The following TANC2 variants were observed in gnomAD, a reference collection of about 807,000 sequenced individuals.
TANC2 encodes tetratricopeptide repeat, ankyrin repeat and coiled-coil containing 2, also known as protein TANC2.
A neutral mutation model predicts 210.5 loss-of-function variants in TANC2; 26 were observed. That is an observed-to-expected ratio of 0.12 (90% confidence interval 0.09 to 0.17). The LOEUF is 0.17. TANC2 is among the 10% of genes least tolerant of loss of function. The pLI is 1.00. For missense variants in TANC2, 2,129 were observed against 2,608.9 expected, an observed-to-expected ratio of 0.82 and a Z score of 4.01; for synonymous variants, 931 against 967.1, an observed-to-expected ratio of 0.96 and a Z score of 0.69.
chr17:63,048,317 G>A (rs1217258895), intron 2 of TANC2, among the ~76,000 whole-genome samples: 1 of 152,164 alleles, frequency 6.6e-6, no homozygotes, highest in Non-Finnish European at 1.5e-5. Context: ...ACTCCAGTTT[G>A]AGAACACCTT....
chr17:63,103,495 G>T (rs940770643), intron 4 of TANC2, among the ~76,000 whole-genome samples: 1 of 152,208 alleles, frequency 6.6e-6, no homozygotes, highest in Non-Finnish European at 1.5e-5. Context: ...TTTGTGGTCC[G>T]ACTGTTTGGG....
chr17:63,119,896 T>C (rs2038396533), intron 4 of TANC2, among the ~76,000 whole-genome samples: 1 of 152,012 alleles, frequency 6.6e-6, no homozygotes, highest in South Asian at 2.1e-4. Context: ...TGCACATGCC[T>C]CTGGTCCCAG....
At position 63,412,720 on chromosome 17, in the gene TANC2, C is replaced by T; in HGVS notation, c.3928+11C>T. ...CGAGTCGCCCACGAGGTATATTTCA[C>T]CGCTGTCAGCATCAGGCGTGGTCTG... On this transcript the variant is annotated intron_variant, in intron 24 of 27. Coordinates refer to ENST00000689528, the Ensembl canonical transcript of TANC2. The surrounding 1 kb of genome is among the most constrained non-coding windows in gnomAD (Gnocchi z 4.2). The T allele has an allele frequency of 2.0e-6, 3 of 1,536,084 alleles. No homozygotes were observed. The highest frequency in any genetic ancestry group is 2.6e-6 in the Non-Finnish European group (3 of 1,146,912).
At chr17:63,122,421 A>C (rs139487356) in intron 4 of TANC2, among the ~76,000 whole-genome samples, 15 of 152,310 alleles carry the variant, frequency 9.8e-5, no homozygotes, top group Non-Finnish European at 2.1e-4. Flanking sequence ...GTATGAAAGA[A>C]ATCATCTTAG....
chr17:63,147,484 G>C (rs1217628022), intron 4 of TANC2, among the ~76,000 whole-genome samples: 1 of 152,136 alleles, frequency 6.6e-6, no homozygotes, highest in Non-Finnish European at 1.5e-5. Context: ...TTTGCATGTG[G>C]TGTTCGTGGA....
chr17:63,388,491 C>A, intron 15 of TANC2, 144 bp from the exon 16 acceptor site: 1 of 771,698 alleles, frequency 1.3e-6, no homozygotes, highest in Non-Finnish European at 2.0e-6. Context: ...GTCCCCCCAC[C>A]TAGGCTTTGC....
rs77122573 is a variant in TANC2 at position 63,223,314 on chromosome 17, G to A, written c.770-14500G>A. On this transcript the variant is annotated intron_variant, in intron 7 of 27. Coordinates refer to ENST00000689528, the Ensembl canonical transcript of TANC2. Reference sequence around the variant, plus strand: ...CTCTCAAGAAAGAGTTCAAGAGTGAGCCGACAGTGAAAGAAAGCAGGTTTA... The same window carrying A: ...CTCTCAAGAAAGAGTTCAAGAGTGAACCGACAGTGAAAGAAAGCAGGTTTA... 8.1e-3 allele frequency among the ~76,000 whole-genome samples: 1,229 copies of A among 152,306 alleles called. 7 individuals are homozygous for A. The highest frequency in any genetic ancestry group is 0.012 in the Admixed American group (184 of 15,296).
chr17:63,109,370 T>C (rs932600325), intron 4 of TANC2, among the ~76,000 whole-genome samples: 6 of 151,380 alleles, frequency 4.0e-5, no homozygotes, highest in Admixed American at 3.9e-4. Context: ...AACAAGAAAT[T>C]AGTCACTAAT....
At chr17:63,151,220 C>T in intron 4 of TANC2, 50 bp from the exon 5 acceptor site, 1 of 847,940 alleles carries the variant, frequency 1.2e-6, no homozygotes, top group East Asian at 1.2e-4. Context: ...CTTTCTTTCT[C>T]TCTTGCTCTC....
intron 9 of TANC2, chr17:63,305,682 A>T (rs1189659749): frequency 6.6e-6 from 1 of 152,248 alleles, no homozygotes; most frequent in Non-Finnish European, 1.5e-5. Flanking sequence ...GCACTAAATT[A>T]TATGGAGTAA....
At chr17:62,980,214 G>T (rs745919683) in intron 1 of TANC2, among the ~76,000 whole-genome samples, 1 of 152,128 alleles carries the variant, frequency 6.6e-6, no homozygotes, top group Non-Finnish European at 1.5e-5. Context: ...TTCTTTAGTG[G>T]TGGCTCCTCC....
intron 15 of TANC2, 128 bp from the exon 16 acceptor site, chr17:63,388,507 A>G: frequency 3.2e-6 from 3 of 942,834 alleles, no homozygotes; most frequent in Non-Finnish European, 4.6e-6. Context: ...TTTGCTTGGC[A>G]TGAACATTGT....
intron 13 of TANC2, 78 bp from the exon 14 acceptor site, chr17:63,354,705 G>T: frequency 6.7e-7 from 1 of 1,499,282 alleles, no homozygotes; most frequent in Non-Finnish European, 8.9e-7. Flanking sequence ...GAATACATTT[G>T]TGAACCTCAT....
intron 7 of TANC2, among the ~76,000 whole-genome samples, chr17:63,206,932 A>T (rs762955831): frequency 1.3e-5 from 2 of 152,190 alleles, no homozygotes; most frequent in Non-Finnish European, 2.9e-5. Context: ...ATTAATATGT[A>T]TATGGTATAG....
chr17:63,368,709 A>G lies in TANC2; in HGVS notation c.2583-11009A>G, dbSNP rs116365716. 8.1e-3 allele frequency among the ~76,000 whole-genome samples: 1,238 copies of G among 152,316 alleles called. 13 individuals carry two copies. Among genetic ancestry groups the G allele is most frequent in the African/African-American group, 0.027 (1,129 of 41,548 alleles). On this transcript the variant is annotated intron_variant, in intron 14 of 27. Coordinates refer to ENST00000689528, the Ensembl canonical transcript of TANC2. Reference sequence around the variant, plus strand: ...TTGCTAGAATACTTTGCATAGAATGATTGGTAGCAGAAGTCCAATTCCCAT... The same window carrying G: ...TTGCTAGAATACTTTGCATAGAATGGTTGGTAGCAGAAGTCCAATTCCCAT...
At chr17:63,336,252 C>T (rs535040276) in intron 11 of TANC2, among the ~76,000 whole-genome samples, 10 of 152,304 alleles carry the variant, frequency 6.6e-5, no homozygotes, top group East Asian at 5.8e-4. Context: ...GGAGAGTAAG[C>T]GTGTGACAGC....
intron 3 of TANC2, among the ~76,000 whole-genome samples, chr17:63,087,549 C>T (rs577667403): frequency 1.4e-4 from 21 of 152,140 alleles, no homozygotes; most frequent in Middle Eastern, 6.8e-3. Context: ...AATAATTTCT[C>T]CTGATGGTTA....
At position 63,150,769 on chromosome 17, in the gene TANC2, T is replaced by C. The variant is rs1044823313; in HGVS notation, c.323-501T>C. The C allele has an allele frequency of 5.9e-5, 9 of 152,174 alleles. No individual in the cohort carries two copies. In the South Asian group the frequency reaches 6.2e-4, roughly 10 times the overall value. The allele number at this position is 152,174 out of a possible 1,614,324, so 9.4% of individuals were successfully genotyped here. The stretch of plus-strand genomic sequence containing the variant: ...TGTTTATCATGACCAAGTATTAGAG[T>C]AGTTATTTCTGGATAACAAAAACCT... On this transcript the variant is annotated intron_variant, in intron 4 of 27. Transcript: ENST00000689528.
rs534064851 is a variant in TANC2, at chr17:63,222,582, G to A, written c.770-15232G>A. On this transcript the variant is annotated intron_variant, in intron 7 of 27. Transcript: ENST00000689528. ...GGTGGGTAAAGGTGTAGGATTGACC[G>A]CAAAATGTTAGGAGGCAACTGTATG... Among the ~76,000 whole-genome samples, 10 of 151,978 alleles carry A rather than the reference G, an allele frequency of 6.6e-5. No homozygotes were observed. In the South Asian group the frequency reaches 1.0e-3, roughly 16 times the overall value.
Sources: gnomAD v4.1 joint callset for allele counts (sites outside exome capture counted in the v4.1 genomes callset) on GRCh38, gnomAD v4.1.1 for gene constraint, Gnocchi (gnomAD v3.1) non-coding constraint, MANE v1.5 for transcripts, NCBI Gene and HGNC (gene_info 2026-07-23, HGNC 2026-07-21) for gene names.